Variants in AHRR observed in about 807,000 individuals in gnomAD.
AHRR encodes the protein ahR repressor.
Under a neutral mutation model 44.0 loss-of-function variants are expected in AHRR, and 28 were observed. That is an observed-to-expected ratio of 0.64 (90% CI 0.47 to 0.87). The LOEUF is 0.87. Ranked by LOEUF, AHRR falls within the 40% of genes least tolerant of loss-of-function variation. The pLI, the probability that AHRR is intolerant of heterozygous loss-of-function variation, is 0.00. For synonymous variants in AHRR, 434 were observed against 407.0 expected (o/e 1.07, Z -0.80); for missense variants, 990 against 953.9 (o/e 1.04, Z -0.50).
At chr5:420,775 GAC>G (rs1560919185) in intron 5 of AHRR, 1 of 136,670 alleles carries the variant, frequency 7.3e-6, no homozygotes, top group Non-Finnish European at 1.5e-5. Flanking sequence ...TCCAGAAAGA[GAC>G]ACCTCCGCGC....
chr5:432,274 C>A (rs1425430625), intron 8 of AHRR, 189 bp from the exon 9 acceptor site: 3 of 587,420 alleles, frequency 5.1e-6, no homozygotes, highest in African/African-American at 3.7e-5. Flanking sequence ...TTTCAGTAAA[C>A]CTGTAACTGA....
At chr5:341,821 C>T (rs1486694174) in intron 1 of AHRR, among the ~76,000 whole-genome samples, 1 of 151,836 alleles carries the variant, frequency 6.6e-6, no homozygotes, top group Non-Finnish European at 1.5e-5. Flanking sequence ...CTTTTATTTT[C>T]TCAAATATAA....
At chr5:325,335 C>T (rs1741667671) in intron 1 of AHRR, among the ~76,000 whole-genome samples, 2 of 152,152 alleles carry the variant, frequency 1.3e-5, no homozygotes, top group Admixed American at 6.5e-5. Flanking sequence ...AAGGGGTGGT[C>T]GAGTGGGTTT....
chr5:367,692 C>T (rs753490193), intron 3 of AHRR: 9 of 608,094 alleles, frequency 1.5e-5, no homozygotes, highest in Non-Finnish European at 2.7e-5. Context: ...TCACTTTTAA[C>T]ATCACAGCCT....
intron 1 of AHRR, chr5:343,484 G>T: frequency 4.4e-6 from 1 of 225,824 alleles, no homozygotes; most frequent in Non-Finnish European, 8.6e-6. Context: ...ACGGGAACAC[G>T]GGATCCCGCG....
chr5:359,307 GCGAC>G, intron 3 of AHRR, among the ~76,000 whole-genome samples: 1 of 46,520 alleles, frequency 2.1e-5, no homozygotes, highest in Non-Finnish European at 7.1e-5. Context: ...CGGGCAGTCA[GCGAC>G]TGGGGAAGAG....
chr5:431,688 G>A (rs1457699715), intron 8 of AHRR, among the ~76,000 whole-genome samples: 1 of 152,042 alleles, frequency 6.6e-6, no homozygotes, highest in Non-Finnish European at 1.5e-5. Context: ...CAGGGGTTTT[G>A]TGACATGATC....
chr5:383,709 T>C lies in AHRR; in HGVS notation c.351+6993T>C, dbSNP rs1734070044. Among the ~76,000 whole-genome samples, 1 of 152,114 alleles carries C rather than the reference T, an allele frequency of 6.6e-6. No individual in the cohort carries two copies. The highest frequency in any genetic ancestry group is 1.5e-5 in the Non-Finnish European group (1 of 68,028). On this transcript the variant is annotated intron_variant, in intron 4 of 10. Coordinates refer to ENST00000684583, the MANE Select transcript of AHRR (RefSeq NM_001377236.1). This position sits in a 1 kb window ranked among gnomAD's most constrained non-coding sequence, Gnocchi z 4.0. ...TCTTGAGTAGCTGGGACTACAAGCA[T>C]GTGCCACCATACCCAGCTAATTAAA...
intron 2 of AHRR, among the ~76,000 whole-genome samples, chr5:346,311 T>C (rs1742677301): frequency 6.6e-6 from 1 of 152,182 alleles, no homozygotes; most frequent in Non-Finnish European, 1.5e-5. Flanking sequence ...GAAGACACTT[T>C]CCTCTGAGTT....
chr5:336,580 C>A (rs1400982152), intron 1 of AHRR, among the ~76,000 whole-genome samples: 1 of 152,138 alleles, frequency 6.6e-6, no homozygotes, highest in Non-Finnish European at 1.5e-5. Context: ...ATGTTTATTG[C>A]CATTCTGTGG....
At chr5:340,637 G>T (rs1303082279) in intron 1 of AHRR, among the ~76,000 whole-genome samples, 2 of 126,162 alleles carry the variant, frequency 1.6e-5, no homozygotes, top group Non-Finnish European at 3.3e-5. Context: ...GGAATTTTGG[G>T]TGGACGCAAT....
At chr5:354,822 G>T (rs1405049372) in intron 3 of AHRR, among the ~76,000 whole-genome samples, 2 of 152,206 alleles carry the variant, frequency 1.3e-5, no homozygotes, top group African/African-American at 4.8e-5. Flanking sequence ...GGTGCAAGAG[G>T]CTGTCAGTGC....
At chr5:415,343 G>A (rs1448323188) in intron 5 of AHRR, among the ~76,000 whole-genome samples, 6 of 140,650 alleles carry the variant, frequency 4.3e-5, no homozygotes, top group African/African-American at 1.1e-4. Flanking sequence ...CTGGTGGGGC[G>A]GGAGGCCTAG....
chr5:436,335 T>TTGGCCCGCGGGTGAGGGACCCACCAC lies in AHRR; in HGVS notation c.*1501_*1502insTGGCCCGCGGGTGAGGGACCCACCAC, dbSNP rs1258603378. ...TCCTGTGTGGACGCCCTCTCTGTTG[T>TTGGCCCGCGGGTGAGGGACCCACCAC]CAGTGGCTTTGAGGTGTCAGTGCTT... On this transcript the variant is annotated 3_prime_UTR_variant, in exon 11 of 11. Transcript: ENST00000684583. The TTGGCCCGCGGGTGAGGGACCCACCAC allele has an allele frequency of 1.3e-5, 2 of 152,156 alleles. No homozygotes were observed. Among genetic ancestry groups the TTGGCCCGCGGGTGAGGGACCCACCAC allele is most frequent in the Admixed American group, 6.6e-5 (1 of 15,256 alleles). The allele number at this position is 152,156 out of a possible 1,614,324, so 9.4% of individuals were successfully genotyped here.
In AHRR at chr5:434,056, G is replaced by A. The variant is rs1736869225; in HGVS notation, c.1316G>A (p.Cys439Tyr). 2 of 1,612,368 alleles carry A rather than the reference G, an allele frequency of 1.2e-6. No individual in the cohort carries two copies. The change falls in exon 11 of 11, where the codon TGT (cysteine) becomes TAT (tyrosine). Residue 439 changes from cysteine to tyrosine, a missense_variant. By Grantham distance (194) the Cys-to-Tyr change is radical. Transcript: ENST00000684583. ...MPRGSCLPCP[C>Y]VQGTFRNSPI... is the part of the protein sequence containing the mutation. ...CGCGGCTCCTGCCTGCCCTGCCCGT[G>A]TGTCCAGGGCACTTTCAGGAACTCG...
chr5:353,653 C>T, intron 2 of AHRR, 77 bp from the exon 3 acceptor site: 1 of 1,404,734 alleles, frequency 7.1e-7, no homozygotes. Flanking sequence ...AAGGTCACTG[C>T]AGAGGACGGT....
At chr5:373,992 C>T (rs1743680600) in intron 3 of AHRR, among the ~76,000 whole-genome samples, 1 of 151,728 alleles carries the variant, frequency 6.6e-6, no homozygotes, top group African/African-American at 2.4e-5. Context: ...CCCCTGCCGC[C>T]GCACCTACGC....
rs1742296884 is a variant in AHRR at position 340,663 on chromosome 5, A to G, written c.-10-3230A>G. 3.4e-5 allele frequency among the ~76,000 whole-genome samples: 2 copies of G among 59,376 alleles called. 1 individual carries two copies. The highest frequency in any genetic ancestry group is 1.8e-4 in the African/African-American group (2 of 11,032). 39.0% of individuals were successfully genotyped at this position (59,376 alleles called of 152,430 possible). A position where few individuals can be genotyped will look rare whatever the true frequency, so the allele number is the denominator to read the frequency against. The stretch of plus-strand genomic sequence containing the variant: ...TGGACGCAATTATGTTCACAGCAAT[A>G]TTATATATATATATATATATATATA... On this transcript the variant is annotated intron_variant, in intron 1 of 10. Transcript: ENST00000684583.
rs926081851 is a variant in AHRR, at chr5:387,391, G to C, written c.351+10675G>C. Among the ~76,000 whole-genome samples the C allele has an allele frequency of 6.6e-6, 1 of 152,250 alleles. No individual in the cohort carries two copies. The highest frequency in any genetic ancestry group is 1.5e-5 in the Non-Finnish European group (1 of 68,046). On this transcript the variant is annotated intron_variant, in intron 4 of 10. Transcript: ENST00000684583. The surrounding 1 kb of genome is among the most constrained non-coding windows in gnomAD (Gnocchi z 5.1). ...TTGCTGCCAGGACAAAGTGGTGAGA[G>C]AAAGGGAGGAAAAAATAATGAGGAT...
Sources: allele counts gnomAD v4.1 joint callset (sites outside exome capture counted in the v4.1 genomes callset), GRCh38; gene constraint gnomAD v4.1.1; non-coding constraint Gnocchi (gnomAD v3.1); transcripts MANE v1.5; gene names NCBI Gene and HGNC (gene_info 2026-07-23, HGNC 2026-07-21).